Variants in CCDC39 observed in about 807,000 individuals in gnomAD.
CCDC39 encodes coiled-coil domain-containing protein 39.
A neutral mutation model predicts 121.0 loss-of-function variants in CCDC39; 113 were observed. The observed-to-expected ratio is 0.93, with a 90% CI of 0.80 to 1.09. CCDC39 has a LOEUF of 1.09. Among genes scored for constraint, CCDC39 ranks in the 50% least tolerant of loss-of-function variants. The probability of loss-of-function intolerance (pLI) is 0.00; values close to 1 mark genes in which losing one functional copy is unlikely to be tolerated. For synonymous variants in CCDC39, 349 were observed against 352.2 expected (o/e 0.99, Z 0.10); for missense variants, 1,063 against 1,074.7 (o/e 0.99, Z 0.15).
At chr3:180,659,888 C>T in intron 4 of CCDC39, 119 bp from the exon 5 acceptor site, 1 of 567,546 alleles carries the variant, frequency 1.8e-6, no homozygotes, top group Non-Finnish European at 2.8e-6. Flanking sequence ...ATATCTAAAA[C>T]TGTGAAATAA....
At chr3:180,650,187 G>A (rs1467430131) in intron 9 of CCDC39, among the ~76,000 whole-genome samples, 1 of 152,154 alleles carries the variant, frequency 6.6e-6, no homozygotes, top group Non-Finnish European at 1.5e-5. Flanking sequence ...ACGAAGTGGT[G>A]CACCAGCCTT....
chr3:180,651,522 GT>G lies in CCDC39; in HGVS notation c.1045del (p.Thr349LeufsTer7), dbSNP rs747980515. 6 of 1,524,000 alleles carry G rather than the reference GT, an allele frequency of 3.9e-6. No individual in the cohort carries two copies. In the South Asian group the frequency reaches 6.5e-5, roughly 16 times the overall value. The allele number at this position is 1,524,000 out of a possible 1,614,324, so 94.4% of individuals were successfully genotyped here. ...TTGTATTATCTCATTATGATTTTTA[GT>G]TTTTTGTAACCTGAAGAGGGTTTAT... The part of the protein sequence containing the change: ...IHEETARLQK[T>X]KNHNEIIQTK... On this transcript the variant is annotated frameshift_variant, in exon 9 of 20. Coordinates refer to ENST00000476379, the MANE Select transcript of CCDC39 (RefSeq NM_181426.2). LOFTEE classifies it high-confidence loss of function.
At chr3:180,642,259 T>A (rs1717972477) in intron 12 of CCDC39, 58 bp from the exon 13 acceptor site, 3 of 1,080,666 alleles carry the variant, frequency 2.8e-6, no homozygotes, top group Admixed American at 6.1e-5. Flanking sequence ...AAAACCAAAA[T>A]TTTTTTTATT....
chr3:180,661,264 C>A (rs1315122775), intron 3 of CCDC39, among the ~76,000 whole-genome samples: 2 of 151,608 alleles, frequency 1.3e-5, no homozygotes, highest in African/African-American at 4.8e-5. Context: ...CAAATCTAGA[C>A]TCATAAAAAA....
intron 13 of CCDC39, among the ~76,000 whole-genome samples, chr3:180,639,313 C>T (rs1024149888): frequency 6.6e-6 from 1 of 152,092 alleles, no homozygotes; most frequent in Non-Finnish European, 1.5e-5. Context: ...TCTGTGGCTG[C>T]TTTCAGTCTA....
chr3:180,647,073 A>G lies in CCDC39; in HGVS notation c.1527+6T>C. The G allele has an allele frequency of 6.2e-7, 1 of 1,601,306 alleles. No homozygotes were observed. Among genetic ancestry groups the G allele is most frequent in the South Asian group, 1.1e-5 (1 of 87,380 alleles). On this transcript the variant is annotated splice_donor_region_variant and intron_variant, in intron 11 of 19. Coordinates refer to ENST00000476379, the MANE Select transcript of CCDC39 (RefSeq NM_181426.2). The stretch of plus-strand genomic sequence containing the variant: ...TGAAATATAAAATGTATTTTGGCTA[A>G]GTTACATGAAGCTTCTTGATCTGTG...
intron 13 of CCDC39, among the ~76,000 whole-genome samples, chr3:180,639,799 T>C (rs1226544819): frequency 6.6e-6 from 1 of 151,824 alleles, no homozygotes; most frequent in Non-Finnish European, 1.5e-5. Flanking sequence ...TAGAAAAAAA[T>C]TGAAAAATAA....
chr3:180,674,521 T>C (rs1274900472), intron 1 of CCDC39, among the ~76,000 whole-genome samples: 1 of 152,204 alleles, frequency 6.6e-6, no homozygotes, highest in African/African-American at 2.4e-5. Context: ...CTATGTTGAA[T>C]AGGAGTGGTG....
rs1222659193 is a variant in CCDC39, at chr3:180,647,115, T to C, written c.1491A>G (p.Thr497=). The C allele has an allele frequency of 8.1e-6, 13 of 1,609,084 alleles. No homozygotes were observed. Among genetic ancestry groups the C allele is most frequent in the Non-Finnish European group, 1.0e-5 (12 of 1,178,418 alleles). The change falls in exon 11 of 20, where the codon ACA becomes ACG. Residue 497 remains threonine (T), a synonymous_variant. Coordinates refer to ENST00000476379, the MANE Select transcript of CCDC39 (RefSeq NM_181426.2). ...TGATCTGTGTTTCCAAAAGGCCACA[T>C]GTAGATTTTTTCTCTTCCAAAGACT... ...LRKSLEEKKS[T]CGLLETQIKK... is the part of the protein sequence containing the mutation.
chr3:180,675,466 G>GC (rs1422952317), intron 1 of CCDC39, among the ~76,000 whole-genome samples: 1 of 151,972 alleles, frequency 6.6e-6, no homozygotes, highest in Non-Finnish European at 1.5e-5. Context: ...AGGGTTTTTT[G>GC]TGTCTCTATC....
At chr3:180,639,474 CA>C (rs1717905204) in intron 13 of CCDC39, among the ~76,000 whole-genome samples, 1 of 152,120 alleles carries the variant, frequency 6.6e-6, no homozygotes, top group East Asian at 1.9e-4. Context: ...ATGGCATTTG[CA>C]GCAACTTGGA....
chr3:180,675,677 T>C (rs1712175858), intron 1 of CCDC39, among the ~76,000 whole-genome samples: 1 of 152,180 alleles, frequency 6.6e-6, no homozygotes, highest in African/African-American at 2.4e-5. Context: ...TCTGGTATGT[T>C]GTGTCTTTGT....
intron 4 of CCDC39, 33 bp from the exon 5 acceptor site, chr3:180,659,802 T>G: frequency 1.4e-6 from 2 of 1,389,344 alleles, no homozygotes; most frequent in Non-Finnish European, 2.0e-6. Context: ...TACTTATAAT[T>G]CTCATTCTAT....
intron 8 of CCDC39, 25 bp downstream of exon 8, chr3:180,652,138 C>T: frequency 8.7e-7 from 1 of 1,153,796 alleles, no homozygotes; most frequent in Non-Finnish European, 1.2e-6. Flanking sequence ...TAATCATAAA[C>T]ATATTTAGAT....
At chr3:180,622,802 G>T (rs1717461328) in intron 14 of CCDC39, among the ~76,000 whole-genome samples, 1 of 152,002 alleles carries the variant, frequency 6.6e-6, no homozygotes, top group African/African-American at 2.4e-5. Context: ...TGTGCTGTTG[G>T]ACTCAATTTG....
In CCDC39 at chr3:180,679,451, GT is replaced by G; in HGVS notation, c.-72del. On this transcript the variant is annotated 5_prime_UTR_variant, in exon 1 of 20. Transcript: ENST00000476379. This position sits in a 1 kb window ranked among gnomAD's most constrained non-coding sequence, Gnocchi z 4.0. ...TGTACAGCGGGTGAGCAGCACCCGC[GT>G]CAAGCCCAGGCACCTGCACAGTGCC... 1 of 1,397,900 alleles carries G rather than the reference GT, an allele frequency of 7.2e-7. No individual in the cohort carries two copies. Among genetic ancestry groups the G allele is most frequent in the East Asian group, 2.3e-5 (1 of 43,872 alleles). The allele number at this position is 1,397,900 out of a possible 1,614,324, so 86.6% of individuals were successfully genotyped here.
chr3:180,619,271 T>C lies in CCDC39; in HGVS notation c.2253A>G (p.Gln751=), dbSNP rs552465259. 2.0e-6 allele frequency: 3 copies of C among 1,524,856 alleles called. No homozygotes were observed. The South Asian group carries it at 3.6e-5, about 18-fold the overall frequency. 94.5% of individuals were successfully genotyped at this position (1,524,856 alleles called of 1,614,324 possible). A position where few individuals can be genotyped will look rare whatever the true frequency, so the allele number is the denominator to read the frequency against. Reference sequence around the variant, plus strand: ...CTGTAGAATTTACCTGGATGTCTTCTTGAAGTTCTCTGATTTGTCTTTGTT... The same window carrying C: ...CTGTAGAATTTACCTGGATGTCTTCCTGAAGTTCTCTGATTTGTCTTTGTT... The part of the protein sequence containing the change: ...RYKQRQIREL[Q]EDIQSMENTL... The change falls in exon 16 of 20, where the codon CAA becomes CAG. Residue 751 remains glutamine (Q), a synonymous_variant. Transcript: ENST00000476379.
intron 1 of CCDC39, among the ~76,000 whole-genome samples, chr3:180,674,009 G>C (rs1712121919): frequency 6.6e-6 from 1 of 151,960 alleles, no homozygotes; most frequent in South Asian, 2.1e-4. Context: ...TTCCAGTTCT[G>C]TGAAGAAAGT....
At chr3:180,675,871 C>T (rs1398555612) in intron 1 of CCDC39, among the ~76,000 whole-genome samples, 1 of 151,192 alleles carries the variant, frequency 6.6e-6, no homozygotes, top group Non-Finnish European at 1.5e-5. Context: ...CTTTGACAAA[C>T]CTGACAAAAA....
Sources: gnomAD v4.1 joint callset for allele counts (sites outside exome capture counted in the v4.1 genomes callset) on GRCh38, gnomAD v4.1.1 for gene constraint, Gnocchi (gnomAD v3.1) non-coding constraint, MANE v1.5 for transcripts, NCBI Gene and HGNC (gene_info 2026-07-23, HGNC 2026-07-21) for gene names.